Variants in ERC2 observed in about 807,000 individuals in gnomAD.
ERC2 encodes the protein ELKS/RAB6-interacting/CAST family member 2.
A neutral mutation model predicts 114.8 loss-of-function variants in ERC2; 42 were observed. That is an observed-to-expected ratio of 0.37 (90% CI 0.29 to 0.47). The LOEUF (loss-of-function observed/expected upper bound fraction) is 0.47. Ranked by LOEUF, ERC2 falls within the 20% of genes least tolerant of loss-of-function variation. ERC2 has a pLI of 0.99. For missense variants in ERC2, 939 were observed against 1,150.7 expected (o/e 0.82, Z 2.66); for synonymous variants, 454 against 425.5 (o/e 1.07, Z -0.82).
Position 55,508,534 on chromosome 3 carries a change from A to G in ERC2, c.*2782T>C, listed in dbSNP as rs936028045. The G allele has an allele frequency of 1.3e-5, 2 of 152,522 alleles. No individual in the cohort carries two copies. The highest frequency in any genetic ancestry group is 2.9e-5 in the Non-Finnish European group (2 of 68,020). 9.4% of individuals were successfully genotyped at this position (152,522 alleles called of 1,614,324 possible). A position where few individuals can be genotyped will look rare whatever the true frequency, so the allele number is the denominator to read the frequency against. ...ATCGATGTCCATAATCACATGGTCAATATCACAACCCACATGCCACTCACT... is the reference window on the plus strand; with the variant it reads ...ATCGATGTCCATAATCACATGGTCAGTATCACAACCCACATGCCACTCACT... On this transcript the variant is annotated 3_prime_UTR_variant, in exon 18 of 18. Transcript: ENST00000288221.
chr3:56,232,378 G>A (rs996231956), intron 3 of ERC2, among the ~76,000 whole-genome samples: 2 of 152,054 alleles, frequency 1.3e-5, no homozygotes, highest in Non-Finnish European at 2.9e-5. Context: ...AGATACATTA[G>A]ATCAATTCAA....
chr3:56,038,704 T>C (rs958902722), intron 7 of ERC2, among the ~76,000 whole-genome samples: 11 of 152,056 alleles, frequency 7.2e-5, no homozygotes, highest in African/African-American at 9.7e-5. Context: ...CAGTGATAGA[T>C]TGGATAAAGA....
intron 13 of ERC2, among the ~76,000 whole-genome samples, chr3:55,891,862 C>A (rs2063623614): frequency 6.6e-6 from 1 of 152,232 alleles, no homozygotes; most frequent in African/African-American, 2.4e-5. Context: ...CCACAAGTAA[C>A]TCCCTTCTTG....
chr3:56,115,830 C>T (rs2079199388), intron 6 of ERC2, among the ~76,000 whole-genome samples: 1 of 152,096 alleles, frequency 6.6e-6, no homozygotes, highest in African/African-American at 2.4e-5. Flanking sequence ...TGCAAGCCAA[C>T]CATCCAGAAC....
chr3:55,925,154 T>A lies in ERC2; in HGVS notation c.2403+25271A>T, dbSNP rs539599383. Among the ~76,000 whole-genome samples, 35 of 152,222 alleles carry A rather than the reference T, an allele frequency of 2.3e-4. No homozygotes were observed. The South Asian group carries it at 6.8e-3, about 30-fold the overall frequency. On this transcript the variant is annotated intron_variant, in intron 13 of 17. Coordinates refer to ENST00000288221, the MANE Select transcript of ERC2 (RefSeq NM_015576.3). The stretch of plus-strand genomic sequence containing the variant: ...AATGGATCTATTTAGTGTTACCAGA[T>A]CCTAAAGCTGGAGGCAGATTCTCGT...
chr3:55,982,616 C>G (rs976730553), intron 12 of ERC2, among the ~76,000 whole-genome samples: 6 of 152,102 alleles, frequency 3.9e-5, no homozygotes, highest in African/African-American at 1.2e-4. Flanking sequence ...TGTCACACCG[C>G]ATTTCTTAAA....
intron 17 of ERC2, among the ~76,000 whole-genome samples, chr3:55,554,343 T>C (rs1289905621): frequency 6.6e-6 from 1 of 152,234 alleles, no homozygotes; most frequent in Non-Finnish European, 1.5e-5. Context: ...TCACCAAATA[T>C]TCAAAGATAC....
At chr3:56,294,469 G>T (rs911588976) in intron 3 of ERC2, among the ~76,000 whole-genome samples, 1 of 152,206 alleles carries the variant, frequency 6.6e-6, no homozygotes, top group Non-Finnish European at 1.5e-5. Flanking sequence ...TTTCTTTGTG[G>T]CTGTTGAAAT....
intron 3 of ERC2, among the ~76,000 whole-genome samples, chr3:56,260,822 C>T (rs1332764476): frequency 1.3e-5 from 2 of 152,220 alleles, no homozygotes; most frequent in African/African-American, 4.8e-5. Flanking sequence ...CAGGCCAATT[C>T]TCAGAATGCC....
chr3:56,016,154 G>A (rs2073292261), intron 8 of ERC2, among the ~76,000 whole-genome samples: 1 of 152,122 alleles, frequency 6.6e-6, no homozygotes, highest in South Asian at 2.1e-4. Context: ...CATTCTGTAG[G>A]TTGTCTGTTT....
intron 14 of ERC2, among the ~76,000 whole-genome samples, chr3:55,823,685 C>G (rs1045714288): frequency 3.9e-5 from 6 of 152,312 alleles, no homozygotes; most frequent in Admixed American, 3.3e-4. Flanking sequence ...GATACTATAA[C>G]ATACTACTTA....
chr3:56,278,831 TG>T (rs1469552337), intron 3 of ERC2, among the ~76,000 whole-genome samples: 3 of 152,158 alleles, frequency 2.0e-5, no homozygotes, highest in Non-Finnish European at 4.4e-5. Flanking sequence ...CCAGCTATCA[TG>T]GGAACTAATA....
intron 14 of ERC2, among the ~76,000 whole-genome samples, chr3:55,863,857 T>C (rs998826734): frequency 3.3e-5 from 5 of 151,846 alleles, no homozygotes; most frequent in Non-Finnish European, 7.4e-5. Flanking sequence ...TTTATACTCA[T>C]AGCACATCTC....
intron 6 of ERC2, among the ~76,000 whole-genome samples, chr3:56,122,229 G>A (rs1279714752): frequency 2.0e-5 from 3 of 152,172 alleles, no homozygotes; most frequent in Non-Finnish European, 2.9e-5. Flanking sequence ...GGCACAACAA[G>A]TGCAAAAGGC....
chr3:55,558,788 A>T (rs931558585), intron 17 of ERC2, among the ~76,000 whole-genome samples: 8 of 152,224 alleles, frequency 5.3e-5, no homozygotes, highest in Admixed American at 1.3e-4. Flanking sequence ...TTCTCCTCTG[A>T]GATCCAAGCT....
chr3:55,824,492 A>C (rs2060254982), intron 14 of ERC2, among the ~76,000 whole-genome samples: 1 of 152,220 alleles, frequency 6.6e-6, no homozygotes, highest in Admixed American at 6.5e-5. Context: ...TTTTGGGTCT[A>C]TGTGTTAAAG....
chr3:55,952,171 ACACACACACTCTCTCTCTCTCT>A (rs2067594138), intron 12 of ERC2, among the ~76,000 whole-genome samples: 1 of 60,066 alleles, frequency 1.7e-5, no homozygotes, highest in African/African-American at 5.4e-5. Context: ...ACACACACAC[ACACACACACTCTCTCTCTCTCT>A]CTCTCTATAT....
chr3:55,994,052 T>C (rs1022111428), intron 10 of ERC2, among the ~76,000 whole-genome samples: 10 of 152,266 alleles, frequency 6.6e-5, no homozygotes, highest in African/African-American at 2.4e-4. Context: ...GCATTTAAAA[T>C]ACACAGCTTT....
intron 13 of ERC2, among the ~76,000 whole-genome samples, chr3:55,895,962 C>T (rs150099815): frequency 6.6e-6 from 1 of 152,290 alleles, no homozygotes; most frequent in Non-Finnish European, 1.5e-5. Flanking sequence ...ATGTTCGCTG[C>T]CACCCCAGCA....
Sources: gnomAD v4.1 joint callset for allele counts (sites outside exome capture counted in the v4.1 genomes callset) on GRCh38, gnomAD v4.1.1 for gene constraint, MANE v1.5 for transcripts, NCBI Gene and HGNC (gene_info 2026-07-23, HGNC 2026-07-21) for gene names.